FOXN3: variants seen among roughly 807,000 people sequenced by gnomAD.
The protein encoded by FOXN3 is forkhead box protein N3.
A neutral mutation model predicts 38.4 loss-of-function variants in FOXN3; 7 were observed. That is an observed-to-expected ratio of 0.18 (90% CI 0.10 to 0.34). The LOEUF (loss-of-function observed/expected upper bound fraction) is 0.34, where lower values mean the gene tolerates loss of function less well. Ranked by LOEUF, FOXN3 falls within the 10% of genes least tolerant of loss-of-function variation. The pLI, the probability that FOXN3 is intolerant of heterozygous loss-of-function variation, is 1.00. For synonymous variants in FOXN3, 230 were observed against 242.2 expected (o/e 0.95, Z 0.47); for missense variants, 456 against 613.4 (o/e 0.74, Z 2.71).
intron 2 of FOXN3, among the ~76,000 whole-genome samples, chr14:89,394,212 CTTTTTTTTTT>C (rs35674375): frequency 9.1e-6 from 1 of 109,618 alleles, no homozygotes; most frequent in Non-Finnish European, 1.8e-5. Context: ...GATCGACGTT[CTTTTTTTTTT>C]TTTTTTTTTT....
Position 89,412,220 on chromosome 14 carries a change from G to A in FOXN3, c.257C>T (p.Pro86Leu), listed in dbSNP as rs952528630. The A allele has an allele frequency of 6.2e-7, 1 of 1,613,940 alleles. No individual in the cohort carries two copies. Among genetic ancestry groups the A allele is most frequent in the African/African-American group, 1.3e-5 (1 of 74,852 alleles). The change falls in exon 2 of 6, where the codon CCC becomes CTC. Residue 86 changes from proline (P) to leucine (L), a missense_variant. By Grantham distance (98) the Pro-to-Leu change is moderately conservative (BLOSUM62 -3). This residue lies in a region of FOXN3 where 11 missense variants were observed against 39.2 expected (regional missense o/e 0.28). Coordinates refer to ENST00000557258, the MANE Select transcript of FOXN3 (RefSeq NM_005197.4). The surrounding 1 kb of genome is among the most constrained non-coding windows in gnomAD (Gnocchi z 4.7). ...FGESVLRSVS[P>L]VQDLDDDTPP... is the part of the protein sequence containing the mutation. ...GGTGTCATCGTCCAGGTCCTGGACG[G>A]GGCTGACACTCCTGAGGACCGACTC...
chr14:89,302,595 T>C (rs964418994), intron 3 of FOXN3, among the ~76,000 whole-genome samples: 7 of 152,142 alleles, frequency 4.6e-5, no homozygotes, highest in Admixed American at 6.5e-5. Context: ...TGCTGGGTCA[T>C]TGGGCTCACC....
intron 3 of FOXN3, among the ~76,000 whole-genome samples, chr14:89,285,396 G>A (rs893825607): frequency 1.3e-5 from 2 of 152,126 alleles, no homozygotes; most frequent in African/African-American, 2.4e-5. Flanking sequence ...GCGCATGCCT[G>A]TAATCCCAGC....
chr14:89,227,533 T>C (rs1596116235), intron 4 of FOXN3, among the ~76,000 whole-genome samples: 1 of 152,006 alleles, frequency 6.6e-6, no homozygotes, highest in South Asian at 2.1e-4. Context: ...GGCGGGTCAG[T>C]CATGTTGTTT....
At chr14:89,614,797 A>G (rs1168599982) in intron 1 of FOXN3, among the ~76,000 whole-genome samples, 1 of 152,250 alleles carries the variant, frequency 6.6e-6, no homozygotes, top group East Asian at 1.9e-4. Flanking sequence ...GTTGCTAAGT[A>G]GAAAACAAAA....
chr14:89,611,573 A>G lies in FOXN3; in HGVS notation c.-15+7455T>C, dbSNP rs568212819. Reference sequence around the variant, plus strand: ...TGTAATCCCAGCACTTTGGGAGGCCAAGGCGGGCGGATCACAAGGTCAGGA... The same window carrying G: ...TGTAATCCCAGCACTTTGGGAGGCCGAGGCGGGCGGATCACAAGGTCAGGA... On this transcript the variant is annotated intron_variant, in intron 1 of 6. Coordinates refer to the FOXN3 transcript ENST00000345097. Among the ~76,000 whole-genome samples, 269 of 152,214 alleles carry G rather than the reference A, an allele frequency of 1.8e-3. 1 individual carries two copies. Among genetic ancestry groups the G allele is most frequent in the African/African-American group, 4.7e-3 (194 of 41,538 alleles).
intron 4 of FOXN3, chr14:89,190,496 G>GTAAATAA: frequency 6.7e-7 from 1 of 1,486,738 alleles, no homozygotes; most frequent in Non-Finnish European, 9.3e-7. Context: ...CGGGGCCGGT[G>GTAAATAA]TGTGTGTGTG....
At chr14:89,336,201 T>G (rs888343049) in intron 3 of FOXN3, among the ~76,000 whole-genome samples, 5 of 147,872 alleles carry the variant, frequency 3.4e-5, no homozygotes, top group African/African-American at 1.3e-4. Flanking sequence ...CCCTTCCCCA[T>G]TCTCCTAACG....
chr14:89,311,529 A>T (rs1887547709), intron 3 of FOXN3, among the ~76,000 whole-genome samples: 1 of 151,384 alleles, frequency 6.6e-6, no homozygotes, highest in Admixed American at 6.6e-5. Flanking sequence ...ATACTAGCAT[A>T]AAACTAGATA....
At chr14:89,599,565 TG>T (rs10546687) in intron 1 of FOXN3, among the ~76,000 whole-genome samples, 9,812 of 147,304 alleles carry the variant, frequency 0.067, 762 homozygotes, top group African/African-American at 0.2. Context: ...TATTTTTTAT[TG>T]TTTTTTTTAA....
intron 2 of FOXN3, among the ~76,000 whole-genome samples, chr14:89,384,903 T>C (rs924678123): frequency 6.6e-6 from 1 of 152,184 alleles, no homozygotes; most frequent in Non-Finnish European, 1.5e-5. Flanking sequence ...GCTGTACGTG[T>C]TGTAAATTAC....
In FOXN3 at chr14:89,162,690, C is replaced by A. The variant is rs61729601; in HGVS notation, c.1131G>T (p.Lys377Asn). The A allele has an allele frequency of 6.2e-7, 1 of 1,614,054 alleles. No homozygotes were observed. The highest frequency in any genetic ancestry group is 2.2e-5 in the East Asian group (1 of 44,866). ...SPSDTEEDDR[K>N]HSQKEPKDSL... ...AATCCTTGGGCTCCTTCTGGCTGTGCTTCCTGTCGTCCTCTTCCGTGTCGC... is the reference window on the plus strand; with the variant it reads ...AATCCTTGGGCTCCTTCTGGCTGTGATTCCTGTCGTCCTCTTCCGTGTCGC... Residue 377 changes from lysine to asparagine, a missense_variant, in exon 6 of 6, where the codon AAG becomes AAT. Coordinates refer to ENST00000557258, the MANE Select transcript of FOXN3 (RefSeq NM_005197.4). This position sits in a 1 kb window ranked among gnomAD's most constrained non-coding sequence, Gnocchi z 7.2.
At chr14:89,450,923 A>G (rs34864187) in intron 1 of FOXN3, among the ~76,000 whole-genome samples, 107,852 of 152,092 alleles carry the variant, frequency 0.71, 38,683 homozygotes, top group Middle Eastern at 0.81. Context: ...GCATGCCACA[A>G]AGGCCCCCCA....
chr14:89,382,043 C>T (rs7150029), intron 2 of FOXN3, among the ~76,000 whole-genome samples: 113,156 of 151,842 alleles, frequency 0.75, 42,750 homozygotes, highest in South Asian at 0.83. Flanking sequence ...GGCCAGACCA[C>T]AACCCATTCA....
chr14:89,205,584 C>T (rs115994091), intron 4 of FOXN3, among the ~76,000 whole-genome samples: 4 of 152,326 alleles, frequency 2.6e-5, no homozygotes, highest in African/African-American at 4.8e-5. Flanking sequence ...CCATCGACGG[C>T]GGGACGACGC....
intron 4 of FOXN3, among the ~76,000 whole-genome samples, chr14:89,218,550 G>A (rs1596110148): frequency 6.6e-6 from 1 of 152,198 alleles, no homozygotes; most frequent in South Asian, 2.1e-4. Context: ...TTGTTCTACA[G>A]CTTGCTTTTT....
At chr14:89,323,157 A>G (rs1256174035) in intron 3 of FOXN3, among the ~76,000 whole-genome samples, 1 of 151,936 alleles carries the variant, frequency 6.6e-6, no homozygotes, top group Non-Finnish European at 1.5e-5. Flanking sequence ...GCGTGGTGGC[A>G]GGCAACTGCA....
chr14:89,312,284 C>CAAAAAAAAAAAAAAAAAAAAAAAAAA lies in FOXN3; in HGVS notation c.681-31271_681-31270insTTTTTTTTTTTTTTTTTTTTTTTTTT, dbSNP rs59949946. On this transcript the variant is annotated intron_variant, in intron 3 of 5. Transcript: ENST00000557258. ...TGGGTGACAGAGCAAGACTCGGTCT[C>CAAAAAAAAAAAAAAAAAAAAAAAAAA]AAAAAAAAAAAAAAAAAGAAGCCAA... Among the ~76,000 whole-genome samples, 66 of 60,556 alleles carry CAAAAAAAAAAAAAAAAAAAAAAAAAA rather than the reference C, an allele frequency of 1.1e-3. 3 individuals carry two copies. Among genetic ancestry groups the CAAAAAAAAAAAAAAAAAAAAAAAAAA allele is most frequent in the African/African-American group, 2.2e-3 (26 of 12,058 alleles). 39.7% of individuals were successfully genotyped at this position (60,556 alleles called of 152,430 possible).
intron 3 of FOXN3, among the ~76,000 whole-genome samples, chr14:89,321,520 T>G (rs1887895838): frequency 6.6e-6 from 1 of 152,110 alleles, no homozygotes; most frequent in African/African-American, 2.4e-5. Context: ...GAGTTTGCAG[T>G]GAGCCGAGAT....
Sources: allele counts gnomAD v4.1 joint callset (sites outside exome capture counted in the v4.1 genomes callset), GRCh38; gene constraint gnomAD v4.1.1; regional missense constraint gnomAD v4.1.1; non-coding constraint Gnocchi (gnomAD v3.1); transcripts MANE v1.5; gene names NCBI Gene and HGNC (gene_info 2026-07-23, HGNC 2026-07-21).